Variants in MAP3K5 observed in about 807,000 individuals in gnomAD.
MAP3K5 encodes the protein mitogen-activated protein kinase kinase kinase 5, also known as ASK-1.
A neutral mutation model predicts 158.7 loss-of-function variants in MAP3K5; 56 were observed. The ratio of observed to expected loss-of-function variants is 0.35; its 90% CI spans 0.28 to 0.44. The LOEUF (loss-of-function observed/expected upper bound fraction) is 0.44, where lower values mean the gene tolerates loss of function less well. Ranked by LOEUF, MAP3K5 falls within the 20% of genes least tolerant of loss-of-function variation. The pLI, the probability that MAP3K5 is intolerant of heterozygous loss-of-function variation, is 1.00. For missense variants in MAP3K5, 1,294 were observed against 1,674.8 expected (o/e 0.77, Z 3.97); for synonymous variants, 579 against 601.7 (o/e 0.96, Z 0.55).
intron 7 of MAP3K5, among the ~76,000 whole-genome samples, chr6:136,685,724 C>A (rs530687809): frequency 6.6e-6 from 1 of 152,276 alleles, no homozygotes; most frequent in Non-Finnish European, 1.5e-5. Flanking sequence ...TAACACCTCA[C>A]TCCTTATGCC....
chr6:136,617,950 A>T (rs1450590996), intron 15 of MAP3K5, among the ~76,000 whole-genome samples: 1 of 152,140 alleles, frequency 6.6e-6, no homozygotes, highest in Admixed American at 6.5e-5. Context: ...AAATAAAATA[A>T]AAATAACCAG....
At chr6:136,639,660 G>A (rs759092370) in intron 12 of MAP3K5, 22 bp from the exon 13 acceptor site, 2 of 1,226,558 alleles carry the variant, frequency 1.6e-6, no homozygotes, top group African/African-American at 1.5e-5. Context: ...AAACAAAAAG[G>A]CATTATTCAG....
chr6:136,592,716 G>T, intron 21 of MAP3K5, 102 bp from the exon 22 acceptor site: 4 of 979,498 alleles, frequency 4.1e-6, no homozygotes, highest in Non-Finnish European at 6.4e-6. Flanking sequence ...CAAATATCTT[G>T]TTGCAATGAG....
intron 3 of MAP3K5, among the ~76,000 whole-genome samples, chr6:136,703,126 G>T (rs1357760975): frequency 6.6e-6 from 1 of 152,106 alleles, no homozygotes; most frequent in Admixed American, 6.5e-5. Context: ...CTTCTGGAAG[G>T]AAAAGCTCTC....
At chr6:136,750,482 T>C (rs992576601) in intron 1 of MAP3K5, among the ~76,000 whole-genome samples, 9 of 152,238 alleles carry the variant, frequency 5.9e-5, no homozygotes, top group African/African-American at 1.9e-4. Flanking sequence ...TGAGGTGTTT[T>C]GCAGGACTGC....
intron 26 of MAP3K5, among the ~76,000 whole-genome samples, chr6:136,564,634 C>A (rs765397760): frequency 6.6e-6 from 1 of 152,204 alleles, no homozygotes; most frequent in Non-Finnish European, 1.5e-5. Flanking sequence ...TCTCAAGGAA[C>A]ACAGTGATGT....
chr6:136,594,802 TTG>T (rs149943450), intron 21 of MAP3K5, among the ~76,000 whole-genome samples: 5,004 of 149,902 alleles, frequency 0.033, 213 homozygotes, highest in East Asian at 0.18. Flanking sequence ...GTTTCCGTGT[TTG>T]TGTGTGTGTG....
At chr6:136,669,148 A>G (rs1182029588) in intron 8 of MAP3K5, 135 bp downstream of exon 8, 4 of 687,872 alleles carry the variant, frequency 5.8e-6, no homozygotes, top group African/African-American at 1.8e-5. Context: ...AAGGAGATAT[A>G]ATAAGTTTCT....
chr6:136,586,176 C>T (rs767634532), intron 23 of MAP3K5, among the ~76,000 whole-genome samples: 32 of 152,246 alleles, frequency 2.1e-4, no homozygotes, highest in Non-Finnish European at 4.0e-4. Context: ...TTTTTCCTTA[C>T]CACAAACTAA....
At chr6:136,698,911 A>G (rs1046231425) in intron 3 of MAP3K5, among the ~76,000 whole-genome samples, 2 of 152,348 alleles carry the variant, frequency 1.3e-5, no homozygotes, top group Non-Finnish European at 1.5e-5. Flanking sequence ...AACAGTTTCT[A>G]TCCATCAATT....
chr6:136,696,737 A>G (rs1465373983), intron 5 of MAP3K5, among the ~76,000 whole-genome samples: 1 of 152,230 alleles, frequency 6.6e-6, no homozygotes, highest in Admixed American at 6.5e-5. Flanking sequence ...TGTGTTTTAC[A>G]TTACATATTT....
chr6:136,558,963 T>C, intron 28 of MAP3K5, 87 bp from the exon 29 acceptor site: 2 of 723,296 alleles, frequency 2.8e-6, no homozygotes, highest in Non-Finnish European at 4.9e-6. Context: ...ACCTTGACTA[T>C]AATTAAAAAT....
chr6:136,770,847 T>TA (rs1385639965), intron 1 of MAP3K5, among the ~76,000 whole-genome samples: 1 of 152,070 alleles, frequency 6.6e-6, no homozygotes, highest in East Asian at 1.9e-4. Flanking sequence ...TTTGACTAAT[T>TA]AAAAAATCTG....
At chr6:136,726,320 T>C (rs1781963696) in intron 1 of MAP3K5, among the ~76,000 whole-genome samples, 1 of 152,166 alleles carries the variant, frequency 6.6e-6, no homozygotes, top group Non-Finnish European at 1.5e-5. Flanking sequence ...TCCATGAATA[T>C]AGAATATCTC....
chr6:136,729,532 C>A (rs959561012), intron 1 of MAP3K5, among the ~76,000 whole-genome samples: 2 of 152,184 alleles, frequency 1.3e-5, no homozygotes, highest in African/African-American at 2.4e-5. Context: ...AAAATGTGAT[C>A]GAAGACAATG....
At chr6:136,563,661 A>G (rs1267671689) in intron 26 of MAP3K5, among the ~76,000 whole-genome samples, 3 of 152,238 alleles carry the variant, frequency 2.0e-5, no homozygotes, top group Non-Finnish European at 2.9e-5. Context: ...AAGGTTCACT[A>G]TGCAACTGAG....
chr6:136,759,454 C>A (rs988600905), intron 1 of MAP3K5, among the ~76,000 whole-genome samples: 13 of 98,112 alleles, frequency 1.3e-4, no homozygotes, highest in South Asian at 6.8e-4. Flanking sequence ...TATACTAAAA[C>A]TATATATATA....
chr6:136,674,344 G>T lies in MAP3K5; in HGVS notation c.1254-4949C>A, dbSNP rs1779611404. Among the ~76,000 whole-genome samples the T allele has an allele frequency of 2.6e-5, 4 of 152,090 alleles. No homozygotes were observed. The South Asian group carries it at 8.3e-4, about 32-fold the overall frequency. ...TTAAAATCTATTGATTATTTAAACTGCTCCAAGTTTCTTTCCTTGTTCAGG... is the reference window on the plus strand; with the variant it reads ...TTAAAATCTATTGATTATTTAAACTTCTCCAAGTTTCTTTCCTTGTTCAGG... On this transcript the variant is annotated intron_variant, in intron 7 of 29. Coordinates refer to ENST00000359015, the MANE Select transcript of MAP3K5 (RefSeq NM_005923.4).
chr6:136,668,593 T>C (rs1779331317), intron 8 of MAP3K5, among the ~76,000 whole-genome samples: 1 of 152,144 alleles, frequency 6.6e-6, no homozygotes, highest in African/African-American at 2.4e-5. Context: ...AGGATTCCAG[T>C]ATCTAGAATC....
Sources: gnomAD v4.1 joint callset for allele counts (sites outside exome capture counted in the v4.1 genomes callset) on GRCh38, gnomAD v4.1.1 for gene constraint, MANE v1.5 for transcripts, NCBI Gene and HGNC (gene_info 2026-07-23, HGNC 2026-07-21) for gene names.